ACP3: variants seen among roughly 807,000 people sequenced by gnomAD.
The protein encoded by ACP3 is acid phosphatase 3.
A neutral mutation model predicts 45.6 loss-of-function variants in ACP3; 38 were observed. That is an observed-to-expected ratio of 0.83 (90% CI 0.64 to 1.09). The LOEUF (loss-of-function observed/expected upper bound fraction) is 1.09. ACP3 is among the 50% of genes least tolerant of loss of function. The pLI is 0.00. For synonymous variants in ACP3, 162 were observed against 164.7 expected, an observed-to-expected ratio of 0.98 and a Z score of 0.13; for missense variants, 466 against 463.2, an observed-to-expected ratio of 1.01 and a Z score of -0.05.
At chr3:132,359,328 C>A (rs560905482), downstream of ACP3, among the ~76,000 whole-genome samples, 2 of 151,988 alleles carry the variant, frequency 1.3e-5, no homozygotes, top group Admixed American at 6.6e-5. Flanking sequence ...CTGGCTAACA[C>A]GGTGAAACCC....
chr3:132,332,049 A>G (rs1351241590), intron 3 of ACP3, 143 bp from the exon 4 acceptor site: 1 of 999,454 alleles, frequency 1.0e-6, no homozygotes, highest in African/African-American at 1.6e-5. Context: ...TTCCTTAACA[A>G]GTATTATGAT....
Position 132,317,730 on chromosome 3 carries a change from C to T in ACP3, c.120+154C>T, listed in dbSNP as rs544761175. Among the ~76,000 whole-genome samples, 137 of 152,320 alleles carry T rather than the reference C, an allele frequency of 9.0e-4. 4 individuals are homozygous for T. The highest frequency in any genetic ancestry group is 8.3e-3 in the South Asian group (40 of 4,824). On this transcript the variant is annotated intron_variant, in intron 1 of 9. Coordinates refer to ENST00000336375, the MANE Select transcript of ACP3 (RefSeq NM_001099.5). ...AGTGAATAATCAAGTTTTGCAAGTT[C>T]CTCTTAATGAAGACCTAACGTGTCC...
At chr3:132,363,136 G>A (rs796361372), downstream of ACP3, among the ~76,000 whole-genome samples, 8 of 152,100 alleles carry the variant, frequency 5.3e-5, no homozygotes, top group East Asian at 1.9e-4. Flanking sequence ...GAAAGCATAC[G>A]CGCTCACCTG....
chr3:132,347,262 A>G (rs1270882433), intron 7 of ACP3, among the ~76,000 whole-genome samples: 2 of 152,250 alleles, frequency 1.3e-5, no homozygotes, highest in African/African-American at 2.4e-5. Flanking sequence ...TGGTTCTGCC[A>G]AAACAAAAGC....
At chr3:132,328,117 G>T in intron 1 of ACP3, 150 bp from the exon 2 acceptor site, 1 of 536,036 alleles carries the variant, frequency 1.9e-6, no homozygotes, top group Non-Finnish European at 3.3e-6. Flanking sequence ...TTGAAAGCCA[G>T]TCCTCAGAAT....
chr3:132,342,744 T>C lies in ACP3; in HGVS notation c.648+100T>C, dbSNP rs1937566782. ...ATCTTTTCTTTCACTTCTTTATGAA[T>C]GTATTACTTATACTTCTTTTGACAT... is the stretch of plus-strand genomic sequence containing the variant. On this transcript the variant is annotated intron_variant, in intron 6 of 9. Coordinates refer to ENST00000336375, the MANE Select transcript of ACP3 (RefSeq NM_001099.5). 5 of 689,494 alleles carry C rather than the reference T, an allele frequency of 7.3e-6. No homozygotes were observed. In the Admixed American group the frequency reaches 1.6e-4, roughly 22 times the overall value. 42.7% of individuals were successfully genotyped at this position (689,494 alleles called of 1,614,324 possible).
chr3:132,322,115 G>A (rs1272779206), intron 1 of ACP3, among the ~76,000 whole-genome samples: 1 of 152,170 alleles, frequency 6.6e-6, no homozygotes, highest in Non-Finnish European at 1.5e-5. Context: ...GCAGGACCTT[G>A]ACAAAGCAGG....
intron 9 of ACP3, among the ~76,000 whole-genome samples, chr3:132,354,489 A>AT (rs942619213): frequency 6.6e-6 from 1 of 151,996 alleles, no homozygotes; most frequent in Non-Finnish European, 1.5e-5. Flanking sequence ...TTGTATTAGG[A>AT]TTTTTTTTAT....
intron 1 of ACP3, among the ~76,000 whole-genome samples, chr3:132,326,964 T>C (rs1017310679): frequency 6.6e-6 from 1 of 152,248 alleles, no homozygotes; most frequent in Non-Finnish European, 1.5e-5. Context: ...TTTGGTTTGA[T>C]ATTATACTGA....
At chr3:132,332,070 G>A in intron 3 of ACP3, 122 bp from the exon 4 acceptor site, 2 of 1,125,928 alleles carry the variant, frequency 1.8e-6, no homozygotes, top group Non-Finnish European at 1.3e-6. Flanking sequence ...TCTGATGTTA[G>A]CACAATGTCT....
chr3:132,337,585 G>A (rs752307465), intron 5 of ACP3, 31 bp downstream of exon 5: 2 of 1,389,640 alleles, frequency 1.4e-6, no homozygotes, highest in Non-Finnish European at 2.0e-6. Flanking sequence ...AGTGGTACTT[G>A]TTAGTTTGTT....
At chr3:132,321,328 A>G (rs1036124172) in intron 1 of ACP3, among the ~76,000 whole-genome samples, 4 of 152,102 alleles carry the variant, frequency 2.6e-5, no homozygotes, top group African/African-American at 9.7e-5. Flanking sequence ...AAAAGAAAAA[A>G]AAAAAAGATG....
At chr3:132,324,191 C>A (rs1023718996) in intron 1 of ACP3, among the ~76,000 whole-genome samples, 138 of 144,290 alleles carry the variant, frequency 9.6e-4, no homozygotes, top group African/African-American at 3.4e-3. Context: ...GCACTCCAGC[C>A]TGGGCAACAA....
chr3:132,356,659 G>C, intron 9 of ACP3, 27 bp from the exon 10 acceptor site: 1 of 1,612,904 alleles, frequency 6.2e-7, no homozygotes, highest in East Asian at 2.2e-5. Context: ...AACTAACAGA[G>C]CTCTCTCCTC....
At chr3:132,322,696 C>T (rs1325646787) in intron 1 of ACP3, among the ~76,000 whole-genome samples, 1 of 152,166 alleles carries the variant, frequency 6.6e-6, no homozygotes, top group African/African-American at 2.4e-5. Flanking sequence ...GTTCTAGAAG[C>T]AAAGGCACAA....
chr3:132,354,553 C>G (rs956379307), intron 9 of ACP3, among the ~76,000 whole-genome samples: 2 of 152,128 alleles, frequency 1.3e-5, no homozygotes, highest in African/African-American at 2.4e-5. Flanking sequence ...AAATTAGGAT[C>G]AAGGAGGCTT....
chr3:132,331,817 T>C, intron 3 of ACP3, 84 bp downstream of exon 3: 1 of 1,203,374 alleles, frequency 8.3e-7, no homozygotes. Context: ...TTTGCCTGTT[T>C]TCCAAGGAAC....
intron 4 of ACP3, among the ~76,000 whole-genome samples, chr3:132,333,250 A>T (rs1271368863): frequency 6.6e-6 from 1 of 152,232 alleles, no homozygotes; most frequent in Admixed American, 6.5e-5. Flanking sequence ...GTGTTTACAC[A>T]GGTTGGGACC....
intron 1 of ACP3, among the ~76,000 whole-genome samples, chr3:132,322,302 C>T (rs906538533): frequency 1.5e-4 from 23 of 152,190 alleles, no homozygotes; most frequent in African/African-American, 5.3e-4. Context: ...ACGGGGAGTA[C>T]AGAACATATT....
Sources: gnomAD v4.1 joint callset for allele counts (sites outside exome capture counted in the v4.1 genomes callset) on GRCh38, gnomAD v4.1.1 for gene constraint, MANE v1.5 for transcripts, NCBI Gene and HGNC (gene_info 2026-07-23, HGNC 2026-07-21) for gene names.